Variants in MTMR14 observed in about 807,000 individuals in gnomAD.
MTMR14 encodes the protein phosphatidylinositol-3,5-bisphosphate 3-phosphatase MTMR14.
In MTMR14, 48 loss-of-function variants were observed where a neutral mutation model predicts 86.3. The ratio of observed to expected loss-of-function variants is 0.56; its 90% CI spans 0.44 to 0.71. MTMR14 has a LOEUF of 0.71. Ranked by LOEUF, MTMR14 falls within the 30% of genes least tolerant of loss-of-function variation. The probability of loss-of-function intolerance (pLI) is 0.00; values close to 1 mark genes in which losing one functional copy is unlikely to be tolerated. For missense variants in MTMR14, 780 were observed against 834.6 expected, an observed-to-expected ratio of 0.93 and a Z score of 0.81; for synonymous variants, 366 against 326.1, an observed-to-expected ratio of 1.12 and a Z score of -1.32.
At chr3:9,671,635 G>C (rs934986805) in intron 6 of MTMR14, among the ~76,000 whole-genome samples, 20 of 149,782 alleles carry the variant, frequency 1.3e-4, no homozygotes, top group Non-Finnish European at 2.8e-4. Context: ...ACAAGAATGA[G>C]CCCACTGTGC....
intron 10 of MTMR14, 149 bp from the exon 11 acceptor site, chr3:9,684,436 G>A (rs2075868200): frequency 1.3e-6 from 1 of 771,964 alleles, no homozygotes; most frequent in Non-Finnish European, 2.4e-6. Context: ...TCTGGGACTA[G>A]GCTGGAGAAG....
At chr3:9,651,792 A>G (rs1219902013) in intron 1 of MTMR14, among the ~76,000 whole-genome samples, 1 of 151,096 alleles carries the variant, frequency 6.6e-6, no homozygotes, top group Non-Finnish European at 1.5e-5. Context: ...CAGCCTCCCT[A>G]GTAGCTGGGA....
intron 6 of MTMR14, among the ~76,000 whole-genome samples, 170 bp downstream of exon 6, chr3:9,671,340 T>C (rs2048558153): frequency 6.6e-6 from 1 of 152,150 alleles, no homozygotes; most frequent in African/African-American, 2.4e-5. Flanking sequence ...AGTGTCCCCC[T>C]CTTACAGACA....
In MTMR14 at chr3:9,701,410, C is replaced by T; in HGVS notation, c.1770-380C>T. ...TAAAACCCTATCATGGTGGCATGTG[C>T]CTGTAGTCCCAGCTACTTGAGGGGC... On this transcript the variant is annotated intron_variant, in intron 18 of 18. Coordinates refer to ENST00000296003, the MANE Select transcript of MTMR14 (RefSeq NM_001077525.3). This position sits in a 1 kb window ranked among gnomAD's most constrained non-coding sequence, Gnocchi z 4.2. 3.1e-6 allele frequency: 1 copy of T among 319,832 alleles called. No individual in the cohort carries two copies. Among genetic ancestry groups the T allele is most frequent in the Middle Eastern group, 1.1e-3 (1 of 918 alleles). 19.8% of individuals were successfully genotyped at this position (319,832 alleles called of 1,614,324 possible). A position where few individuals can be genotyped will look rare whatever the true frequency, so the allele number is the denominator to read the frequency against.
chr3:9,652,422 A>C (rs1241478350), intron 1 of MTMR14, among the ~76,000 whole-genome samples: 1 of 152,116 alleles, frequency 6.6e-6, no homozygotes, highest in South Asian at 2.1e-4. Flanking sequence ...TACTGGTTGC[A>C]TGGAATAGAG....
Position 9,677,329 on chromosome 3 carries a change from T to C in MTMR14, c.764T>C (p.Phe255Ser). 6.2e-7 allele frequency: 1 copy of C among 1,614,090 alleles called. No individual in the cohort carries two copies. The highest frequency in any genetic ancestry group is 8.5e-7 in the Non-Finnish European group (1 of 1,179,960). ...CCTTCTTTTCCAGGCTGTGAATTTT[T>C]CAAGGAATATAAAGATCGGGATTAC... Reference protein sequence around the residue: ...LSIPYPGCEFFKEYKDRDYMA... With the variant: ...LSIPYPGCEFSKEYKDRDYMA... The change falls in exon 8 of 19, where the codon TTC becomes TCC. Residue 255 changes from phenylalanine to serine, a missense_variant. Physicochemically the swap from Phe to Ser is radical, Grantham distance 155. Transcript: ENST00000296003. The surrounding 1 kb of genome is among the most constrained non-coding windows in gnomAD (Gnocchi z 4.2).
chr3:9,659,050 A>G (rs551246071), intron 2 of MTMR14, among the ~76,000 whole-genome samples: 1 of 152,280 alleles, frequency 6.6e-6, no homozygotes, highest in South Asian at 2.1e-4. Context: ...TCTGGGCAAC[A>G]TGGTGACACC....
At chr3:9,689,566 T>C (rs1333450473) in intron 16 of MTMR14, among the ~76,000 whole-genome samples, 1 of 152,132 alleles carries the variant, frequency 6.6e-6, no homozygotes, top group African/African-American at 2.4e-5. Flanking sequence ...TGGTGGCTTA[T>C]ATTTATAATC....
At chr3:9,690,862 C>T (rs1238836019) in intron 17 of MTMR14, among the ~76,000 whole-genome samples, 1 of 152,152 alleles carries the variant, frequency 6.6e-6, no homozygotes, top group African/African-American at 2.4e-5. Flanking sequence ...ACTTCAGGCC[C>T]TTAGTGAATT....
chr3:9,678,208 G>A lies in MTMR14; in HGVS notation c.897+150G>A. ...TTTGGCCCTCTGTCCTCTCAGAAAG[G>A]AGGAATTGTGTGTCCGTTCAACTAT... is the stretch of plus-strand genomic sequence containing the variant. On this transcript the variant is annotated intron_variant, in intron 9 of 18. Transcript: ENST00000296003. The A allele has an allele frequency of 6.1e-6, 4 of 651,030 alleles. No individual in the cohort carries two copies. In the Admixed American group the frequency reaches 1.2e-4, roughly 20 times the overall value. The allele number at this position is 651,030 out of a possible 1,614,324, so 40.3% of individuals were successfully genotyped here. A position where few individuals can be genotyped will look rare whatever the true frequency, so the allele number is the denominator to read the frequency against.
intron 9 of MTMR14, among the ~76,000 whole-genome samples, chr3:9,680,227 C>T (rs1316375048): frequency 6.6e-6 from 1 of 152,206 alleles, no homozygotes; most frequent in Non-Finnish European, 1.5e-5. Context: ...CCACATCCAT[C>T]ACCAGCTCCC....
Position 9,697,874 on chromosome 3 carries a change from T to C in MTMR14, c.1769+8T>C. The C allele has an allele frequency of 6.2e-7, 1 of 1,614,072 alleles. No individual in the cohort carries two copies. The highest frequency in any genetic ancestry group is 8.5e-7 in the Non-Finnish European group (1 of 1,180,022). ...GCTCCCTAACAGTTGTCTGTAAGTG[T>C]CTTGCTTGAGAAGGCAGGATGCTCC... On this transcript the variant is annotated splice_region_variant and intron_variant, in intron 18 of 18. Transcript: ENST00000296003.
intron 9 of MTMR14, among the ~76,000 whole-genome samples, chr3:9,681,111 T>C (rs2075754350): frequency 6.6e-6 from 1 of 152,220 alleles, no homozygotes; most frequent in Non-Finnish European, 1.5e-5. Context: ...TGAGGTCATA[T>C]TCACCCTTGT....
At chr3:9,680,972 C>G (rs371013848) in intron 9 of MTMR14, among the ~76,000 whole-genome samples, 2 of 152,370 alleles carry the variant, frequency 1.3e-5, no homozygotes, top group African/African-American at 4.8e-5. Flanking sequence ...GAGAAGCCTT[C>G]TCTGATGTCC....
Position 9,672,230 on chromosome 3 carries a change from G to A in MTMR14, c.678-455G>A, listed in dbSNP as rs116542039. ...TCCCTTGGTTGATATGTTGGAATAG[G>A]GGCAGAGAAGGTAGAGTTCTTTTTT... On this transcript the variant is annotated intron_variant, in intron 6 of 18. Coordinates refer to ENST00000296003, the MANE Select transcript of MTMR14 (RefSeq NM_001077525.3). 2.6e-3 allele frequency among the ~76,000 whole-genome samples: 389 copies of A among 152,100 alleles called. 1 individual carries two copies. The highest frequency in any genetic ancestry group is 8.9e-3 in the African/African-American group (370 of 41,460).
Position 9,649,804 on chromosome 3 carries a change from G to C in MTMR14, c.159+62G>C, listed in dbSNP as rs6800852. 6,652 of 1,599,818 alleles carry C rather than the reference G, an allele frequency of 4.2e-3. 235 individuals are homozygous for C. In the African/African-American group the frequency reaches 0.077, roughly 19 times the overall value. ...TAACTTGGGAAGTTACAGAGGAAAG[G>C]CTGAGGCCAGGGGTCAGAAAAAGGT... is the stretch of plus-strand genomic sequence containing the variant. On this transcript the variant is annotated intron_variant, in intron 1 of 18. Coordinates refer to ENST00000296003, the MANE Select transcript of MTMR14 (RefSeq NM_001077525.3).
Position 9,677,444 on chromosome 3 carries a change from A to C in MTMR14, c.822+57A>C. 6.7e-7 allele frequency: 1 copy of C among 1,482,708 alleles called. No homozygotes were observed. Among genetic ancestry groups the C allele is most frequent in the Non-Finnish European group, 9.4e-7 (1 of 1,060,422 alleles). 91.8% of individuals were successfully genotyped at this position (1,482,708 alleles called of 1,614,324 possible). A position where few individuals can be genotyped will look rare whatever the true frequency, so the allele number is the denominator to read the frequency against. The stretch of plus-strand genomic sequence containing the variant: ...TATGTCTCTTTGTAAAGGGAGGCCA[A>C]GGAGAACAACAAGCAGTCTTTGGGG... On this transcript the variant is annotated intron_variant, in intron 8 of 18. Coordinates refer to ENST00000296003, the MANE Select transcript of MTMR14 (RefSeq NM_001077525.3). This position sits in a 1 kb window ranked among gnomAD's most constrained non-coding sequence, Gnocchi z 4.2.
intron 3 of MTMR14, among the ~76,000 whole-genome samples, chr3:9,667,893 T>C (rs2048341331): frequency 6.6e-6 from 1 of 152,194 alleles, no homozygotes; most frequent in Non-Finnish European, 1.5e-5. Flanking sequence ...AGCAGTGAGC[T>C]TCACTCCCTG....
At chr3:9,667,832 T>C (rs1201913793) in intron 3 of MTMR14, among the ~76,000 whole-genome samples, 1 of 152,220 alleles carries the variant, frequency 6.6e-6, no homozygotes, top group African/African-American at 2.4e-5. Flanking sequence ...AGATGGTACT[T>C]GGCAATCTTC....
Sources: allele counts gnomAD v4.1 joint callset (sites outside exome capture counted in the v4.1 genomes callset), GRCh38; gene constraint gnomAD v4.1.1; non-coding constraint Gnocchi (gnomAD v3.1); transcripts MANE v1.5; gene names NCBI Gene and HGNC (gene_info 2026-07-23, HGNC 2026-07-21).